Variants in DRICH1 observed in about 807,000 individuals in gnomAD.
DRICH1 encodes aspartate rich 1, also known as aspartate-rich protein 1.
In DRICH1, 38 loss-of-function variants were observed where a neutral mutation model predicts 39.5. The observed-to-expected ratio is 0.96, with a 90% CI of 0.74 to 1.26. The LOEUF (loss-of-function observed/expected upper bound fraction) is 1.26, where lower values mean the gene tolerates loss of function less well. Ranked by LOEUF, DRICH1 falls within the 50% of genes most tolerant of loss-of-function variation. DRICH1 has a pLI of 0.00. For synonymous variants in DRICH1, 84 were observed against 99.5 expected, an observed-to-expected ratio of 0.84 and a Z score of 0.93; for missense variants, 279 against 270.4, an observed-to-expected ratio of 1.03 and a Z score of -0.22.
At chr22:23,627,969 T>G (rs1427775392) in intron 1 of DRICH1, among the ~76,000 whole-genome samples, 1 of 152,168 alleles carries the variant, frequency 6.6e-6, no homozygotes, top group Non-Finnish European at 1.5e-5. Context: ...TAAGGACTAA[T>G]GAGGAAGACA....
chr22:23,602,474 C>T, the DRICH1 span, among the ~76,000 whole-genome samples: 437 of 150,624 alleles, frequency 2.9e-3, no homozygotes, highest in African/African-American at 9.6e-3. Flanking sequence ...CACTTGGGGC[C>T]AGGAATTTGA....
At chr22:23,621,070 A>G (rs1301622401) in intron 4 of DRICH1, among the ~76,000 whole-genome samples, 3 of 152,184 alleles carry the variant, frequency 2.0e-5, no homozygotes, top group Admixed American at 2.0e-4. Flanking sequence ...ATTGAGAAGG[A>G]AAGAAATCAG....
chr22:23,600,893 T>C, the DRICH1 span, among the ~76,000 whole-genome samples: 22 of 152,016 alleles, frequency 1.4e-4, no homozygotes, highest in Admixed American at 3.9e-4. Flanking sequence ...AGGATGGTCT[T>C]GATCTCCTGA....
intron 5 of DRICH1, among the ~76,000 whole-genome samples, chr22:23,620,226 G>T (rs531687457): frequency 7.2e-5 from 11 of 151,922 alleles, no homozygotes; most frequent in Non-Finnish European, 1.2e-4. Context: ...ATAACATGAA[G>T]GTTCCTGGAA....
intron 5 of DRICH1, 128 bp from the exon 6 acceptor site, chr22:23,619,521 CAG>C: frequency 1.4e-6 from 1 of 701,636 alleles, no homozygotes; most frequent in Non-Finnish European, 2.6e-6. Flanking sequence ...CTACAAAAAA[CAG>C]AGAAATGCAA....
chr22:23,599,077 C>T, the DRICH1 span, among the ~76,000 whole-genome samples: 2 of 152,200 alleles, frequency 1.3e-5, no homozygotes, highest in African/African-American at 4.8e-5. Flanking sequence ...AACACGTGTC[C>T]CATATTTTAT....
the DRICH1 span, among the ~76,000 whole-genome samples, chr22:23,590,428 C>A: frequency 6.6e-6 from 1 of 151,970 alleles, no homozygotes; most frequent in African/African-American, 2.4e-5. Context: ...TAGGCATGCA[C>A]CACCACACCC....
chr22:23,626,611 G>A (rs892181314), intron 1 of DRICH1, among the ~76,000 whole-genome samples: 42 of 152,116 alleles, frequency 2.8e-4, no homozygotes, highest in African/African-American at 9.7e-4. Context: ...CATGGATGGT[G>A]TCCATTGGCC....
downstream of DRICH1, among the ~76,000 whole-genome samples, chr22:23,604,894 C>T (rs547120052): frequency 2.8e-4 from 43 of 152,262 alleles, 1 homozygote; most frequent in South Asian, 8.7e-3. Flanking sequence ...TCAGAGTTGA[C>T]ATTTGGAATA....
intron 1 of DRICH1, among the ~76,000 whole-genome samples, chr22:23,628,816 C>A (rs190658088): frequency 1.3e-5 from 2 of 152,136 alleles, no homozygotes; most frequent in Non-Finnish European, 2.9e-5. Context: ...TCTGCCCCCC[C>A]ACCAATTTCT....
chr22:23,631,955 A>G lies in DRICH1; in HGVS notation c.69T>C (p.Cys23=), dbSNP rs1920992561. Residue 23 remains cysteine, a synonymous_variant, in exon 1 of 12, where the codon TGT becomes TGC. Transcript: ENST00000317749. The stretch of plus-strand genomic sequence containing the variant: ...CATAAATATCAGTATCAGATTCATA[A>G]CAGGGTGCGTCCTTCCCCCTGGGCC... ...CGWPRGKDAP[C]YESDTDIYET... The G allele has an allele frequency of 6.2e-7, 1 of 1,613,672 alleles. No individual in the cohort carries two copies.
downstream of DRICH1, among the ~76,000 whole-genome samples, chr22:23,603,904 T>C (rs776581241): frequency 6.6e-6 from 1 of 152,136 alleles, no homozygotes; most frequent in Non-Finnish European, 1.5e-5. Flanking sequence ...TGGGGACACT[T>C]TGCAGACCAC....
chr22:23,604,013 C>T (rs546462000), downstream of DRICH1, among the ~76,000 whole-genome samples: 212 of 152,312 alleles, frequency 1.4e-3, 1 homozygote, highest in Non-Finnish European at 1.7e-3. Context: ...TTGCTCATCC[C>T]TCTCCTGTTC....
the DRICH1 span, among the ~76,000 whole-genome samples, chr22:23,594,071 A>G: frequency 6.6e-6 from 1 of 152,224 alleles, no homozygotes. Context: ...TTATGCATTC[A>G]GCAAAGGAGA....
At chr22:23,595,005 G>A in the DRICH1 span, among the ~76,000 whole-genome samples, 3 of 148,206 alleles carry the variant, frequency 2.0e-5, no homozygotes, top group Admixed American at 2.0e-4. Context: ...AAAAGATGAG[G>A]ATAAGCAGAG....
At chr22:23,613,137 C>T in intron 11 of DRICH1, 152 bp downstream of exon 11, 1 of 669,058 alleles carries the variant, frequency 1.5e-6, no homozygotes, top group South Asian at 1.8e-5. Flanking sequence ...CCAAGAAACT[C>T]TGAAAACAAC....
At chr22:23,617,917 C>T (rs1361684975) in intron 6 of DRICH1, among the ~76,000 whole-genome samples, 3 of 151,992 alleles carry the variant, frequency 2.0e-5, no homozygotes, top group Non-Finnish European at 4.4e-5. Flanking sequence ...GGAAGAGTGC[C>T]TTCCTCCCTC....
At chr22:23,619,237 C>A (rs1311312926) in intron 6 of DRICH1, 127 bp downstream of exon 6, 3 of 589,872 alleles carry the variant, frequency 5.1e-6, no homozygotes, top group Non-Finnish European at 9.5e-6. Flanking sequence ...TCTAACTAAT[C>A]AGCTGTCAAC....
chr22:23,587,585 C>T, the DRICH1 span, among the ~76,000 whole-genome samples: 1 of 152,168 alleles, frequency 6.6e-6, no homozygotes, highest in Non-Finnish European at 1.5e-5. Flanking sequence ...CTAGGACAGG[C>T]AGCTGACCAC....
Sources: allele counts gnomAD v4.1 joint callset (sites outside exome capture counted in the v4.1 genomes callset), GRCh38; gene constraint gnomAD v4.1.1; transcripts MANE v1.5; gene names NCBI Gene and HGNC (gene_info 2026-07-23, HGNC 2026-07-21).